Variants in CRHR2 observed in about 807,000 individuals in gnomAD.
The protein encoded by CRHR2 is corticotropin-releasing hormone receptor 2.
In CRHR2, 53 loss-of-function variants were observed where a neutral mutation model predicts 57.9. The observed-to-expected ratio is 0.92, with a 90% CI of 0.73 to 1.15. The LOEUF (loss-of-function observed/expected upper bound fraction) is 1.15, where lower values mean the gene tolerates loss of function less well. CRHR2 is among the 50% of genes most tolerant of loss of function. The pLI, the probability that CRHR2 is intolerant of heterozygous loss-of-function variation, is 0.00. For missense variants in CRHR2, 532 were observed against 542.6 expected, an observed-to-expected ratio of 0.98 and a Z score of 0.19; for synonymous variants, 213 against 220.9, an observed-to-expected ratio of 0.96 and a Z score of 0.32.
chr7:30,681,844 C>A, intron 2 of CRHR2, 71 bp downstream of exon 2: 1 of 1,525,084 alleles, frequency 6.6e-7, no homozygotes, highest in Non-Finnish European at 8.8e-7. Flanking sequence ...GGTCCGGAAT[C>A]CTCTTTACTC....
upstream of CRHR2, among the ~76,000 whole-genome samples, chr7:30,685,870 T>C (rs1035537420): frequency 1.3e-5 from 2 of 152,192 alleles, no homozygotes; most frequent in Non-Finnish European, 1.5e-5. Flanking sequence ...CTCTTCCTCA[T>C]AGGAGTGCCG....
intron 1 of CRHR2, among the ~76,000 whole-genome samples, chr7:30,696,975 G>A (rs1785068959): frequency 6.6e-6 from 1 of 152,082 alleles, no homozygotes; most frequent in South Asian, 2.1e-4. Flanking sequence ...CAACAAAATG[G>A]CAAAACTAGA....
intron 1 of CRHR2, among the ~76,000 whole-genome samples, chr7:30,697,411 G>A (rs1208137674): frequency 6.6e-6 from 1 of 152,188 alleles, no homozygotes; most frequent in Admixed American, 6.5e-5. Flanking sequence ...CTTTAAACTT[G>A]TTTCCTGTCT....
chr7:30,697,562 G>A (rs1157758379), intron 1 of CRHR2, among the ~76,000 whole-genome samples: 1 of 152,066 alleles, frequency 6.6e-6, no homozygotes, highest in Non-Finnish European at 1.5e-5. Context: ...AAGGCTGGGT[G>A]GGTTCCTCCA....
At chr7:30,696,746 A>G (rs1464228844) in intron 1 of CRHR2, among the ~76,000 whole-genome samples, 1 of 152,144 alleles carries the variant, frequency 6.6e-6, no homozygotes, top group East Asian at 1.9e-4. Context: ...TAAAATAATT[A>G]AAATTAAAAT....
chr7:30,685,202 A>G (rs1375982453), upstream of CRHR2, among the ~76,000 whole-genome samples: 1 of 152,206 alleles, frequency 6.6e-6, no homozygotes, highest in Non-Finnish European at 1.5e-5. Flanking sequence ...GCAGCAGTGG[A>G]CAGTTCCAGG....
intron 3 of CRHR2, 74 bp downstream of exon 3, chr7:30,667,154 G>T: frequency 1.5e-6 from 2 of 1,367,018 alleles, no homozygotes; most frequent in Non-Finnish European, 2.1e-6. Context: ...TGCCCCCCTT[G>T]GGATCTTCTC....
Position 30,655,049 on chromosome 7 carries a change from A to C in CRHR2, c.1085T>G (p.Phe362Cys). 1 of 1,613,604 alleles carries C rather than the reference A, an allele frequency of 6.2e-7. No individual in the cohort carries two copies. The highest frequency in any genetic ancestry group is 8.5e-7 in the Non-Finnish European group (1 of 1,179,744). Residue 362 changes from phenylalanine (F) to cysteine (C), a missense_variant, in exon 11 of 12, where the codon TTC becomes TGC. Phe to Cys is a radical substitution (Grantham distance 205). Transcript: ENST00000471646. ...GGCCCAGCTTCATACCTCTCCATTG[A>C]AGAAGCAGTAGAAGACAGACACGAA... is the stretch of plus-strand genomic sequence containing the variant. ...GFFVSVFYCF[F>C]NGEVRSAVRK...
At chr7:30,671,184 C>G (rs1053517547) in intron 2 of CRHR2, among the ~76,000 whole-genome samples, 1 of 152,174 alleles carries the variant, frequency 6.6e-6, no homozygotes, top group African/African-American at 2.4e-5. Context: ...AATTGATTCT[C>G]TATGATGTTA....
Position 30,656,128 on chromosome 7 carries a change from C to T in CRHR2, c.832-116G>A, listed in dbSNP as rs1199086278. 5.7e-6 allele frequency: 5 copies of T among 870,624 alleles called. No individual in the cohort carries two copies. In the East Asian group the frequency reaches 1.2e-4, roughly 21 times the overall value. 53.9% of individuals were successfully genotyped at this position (870,624 alleles called of 1,614,324 possible). A position where few individuals can be genotyped will look rare whatever the true frequency, so the allele number is the denominator to read the frequency against. ...TGGAAACCGATGTCCCACGCACACACCTATCCTACCTGTCCCCCTAGCACC... is the reference window on the plus strand; with the variant it reads ...TGGAAACCGATGTCCCACGCACACATCTATCCTACCTGTCCCCCTAGCACC... On this transcript the variant is annotated intron_variant, in intron 8 of 11. Transcript: ENST00000471646. The surrounding 1 kb of genome is among the most constrained non-coding windows in gnomAD (Gnocchi z 4.4).
intron 6 of CRHR2, 117 bp from the exon 7 acceptor site, chr7:30,662,333 G>A: frequency 8.2e-7 from 1 of 1,214,834 alleles, no homozygotes; most frequent in Non-Finnish European, 1.2e-6. Flanking sequence ...CCAACAGCAG[G>A]CCACCCACAA....
At chr7:30,678,736 C>G (rs1784601380) in intron 2 of CRHR2, among the ~76,000 whole-genome samples, 2 of 152,246 alleles carry the variant, frequency 1.3e-5, no homozygotes, top group Admixed American at 6.5e-5. Flanking sequence ...ACATCCCCAA[C>G]TGTGCTCAGC....
chr7:30,661,725 T>G (rs973094465), intron 7 of CRHR2, among the ~76,000 whole-genome samples: 2 of 152,120 alleles, frequency 1.3e-5, no homozygotes, highest in Admixed American at 6.5e-5. Flanking sequence ...GATGGGACAC[T>G]GCACCCAGGC....
rs759602672 is a variant in CRHR2, at chr7:30,656,349, G to A, written c.832-337C>T. The stretch of plus-strand genomic sequence containing the variant: ...TCCCCAGTATAGGGACCCTATGGGA[G>A]CCCCCTTCCCCTCACTGCCACGGGG... On this transcript the variant is annotated intron_variant, in intron 8 of 11. Coordinates refer to ENST00000471646, the MANE Select transcript of CRHR2 (RefSeq NM_001883.5). The surrounding 1 kb of genome is among the most constrained non-coding windows in gnomAD (Gnocchi z 4.4). Among the ~76,000 whole-genome samples the A allele has an allele frequency of 1.2e-4, 18 of 152,188 alleles. No homozygotes were observed. The highest frequency in any genetic ancestry group is 2.4e-4 in the Non-Finnish European group (16 of 68,036).
chr7:30,665,785 G>T lies in CRHR2; in HGVS notation c.316-146C>A, dbSNP rs895344368. On this transcript the variant is annotated intron_variant, in intron 3 of 11. Transcript: ENST00000471646. The surrounding 1 kb of genome is among the most constrained non-coding windows in gnomAD (Gnocchi z 4.5). ...TTGCCGTGCCTGGCTCTTAGGGTTC[G>T]TTCCTGTTGGCCCTGGGTGGCTCTT... The T allele has an allele frequency of 3.1e-6, 2 of 647,950 alleles. No homozygotes were observed. Among genetic ancestry groups the T allele is most frequent in the Non-Finnish European group, 5.4e-6 (2 of 369,318 alleles). The allele number at this position is 647,950 out of a possible 1,614,324, so 40.1% of individuals were successfully genotyped here.
At chr7:30,694,035 G>T (rs1024555743) in intron 1 of CRHR2, among the ~76,000 whole-genome samples, 1 of 152,184 alleles carries the variant, frequency 6.6e-6, no homozygotes, top group Non-Finnish European at 1.5e-5. Context: ...TGGGAGCACA[G>T]GGTCCACATC....
chr7:30,698,767 C>G (rs1255171754), intron 1 of CRHR2, among the ~76,000 whole-genome samples: 1 of 152,218 alleles, frequency 6.6e-6, no homozygotes, highest in Non-Finnish European at 1.5e-5. Context: ...CTGGCATTCA[C>G]TGCGTGCTCA....
intron 1 of CRHR2, among the ~76,000 whole-genome samples, chr7:30,693,447 G>T (rs550200988): frequency 1.6e-4 from 25 of 152,336 alleles, no homozygotes. Flanking sequence ...GTGGTGCGGG[G>T]AGGGTGGCAT....
intron 5 of CRHR2, among the ~76,000 whole-genome samples, chr7:30,663,229 C>A (rs1202956035): frequency 6.6e-6 from 1 of 152,070 alleles, no homozygotes; most frequent in South Asian, 2.1e-4. Context: ...CAAGTCAGAC[C>A]TGCTTCCTTT....
Sources: gnomAD v4.1 joint callset for allele counts (sites outside exome capture counted in the v4.1 genomes callset) on GRCh38, gnomAD v4.1.1 for gene constraint, Gnocchi (gnomAD v3.1) non-coding constraint, MANE v1.5 for transcripts, NCBI Gene and HGNC (gene_info 2026-07-23, HGNC 2026-07-21) for gene names.